TNFSF9: variants seen among roughly 807,000 people sequenced by gnomAD.
The protein encoded by TNFSF9 is TNF superfamily member 9, also known as tumor necrosis factor ligand superfamily member 9.
In TNFSF9, 10 loss-of-function variants were observed where a neutral mutation model predicts 10.3. The ratio of observed to expected loss-of-function variants is 0.97; its 90% confidence interval spans 0.60 to 1.65. TNFSF9 has a LOEUF of 1.65. Ranked by LOEUF, TNFSF9 falls within the 40% of genes most tolerant of loss-of-function variation. TNFSF9 has a pLI of 0.00. For synonymous variants in TNFSF9, 195 were observed against 176.1 expected, an observed-to-expected ratio of 1.11 and a Z score of -0.85; for missense variants, 361 against 348.9, an observed-to-expected ratio of 1.03 and a Z score of -0.28.
chr19:6,534,543 C>G, intron 2 of TNFSF9, 57 bp from the exon 3 acceptor site: 2 of 1,481,168 alleles, frequency 1.4e-6, no homozygotes, highest in Admixed American at 4.2e-5. Context: ...TGCTCAGCCA[C>G]GCTCAGCTGT....
intron 2 of TNFSF9, among the ~76,000 whole-genome samples, chr19:6,534,316 C>T: frequency 6.6e-6 from 1 of 151,572 alleles, no homozygotes. Context: ...CCTGGATTCC[C>T]TTCCTCTGTT....
rs564151103 is a variant in TNFSF9 at position 6,531,137 on chromosome 19, GGCT to G, written c.120_122del (p.Leu41del). 1.3e-3 allele frequency: 2,023 copies of G among 1,598,988 alleles called. 11 individuals carry two copies. The highest frequency in any genetic ancestry group is 1.0e-3 in the East Asian group (44 of 43,852). ...GTACTGCCTTGGGCCCTGGTCGCGG[GGCT>G]GCTGCTGCTGCTGCTGCTCGCTGCC... On this transcript the variant is annotated inframe_deletion, in exon 1 of 3. Transcript: ENST00000245817.
At chr19:6,532,859 C>A (rs751635901) in intron 2 of TNFSF9, 43 bp downstream of exon 2, 1 of 1,613,030 alleles carries the variant, frequency 6.2e-7, no homozygotes, top group Non-Finnish European at 8.5e-7. Context: ...CCCCCACCAT[C>A]CCCACCCCGG....
intron 1 of TNFSF9, among the ~76,000 whole-genome samples, chr19:6,531,915 G>A (rs1480735289): frequency 6.6e-6 from 1 of 152,174 alleles, no homozygotes; most frequent in Non-Finnish European, 1.5e-5. Context: ...CCCTGGACGG[G>A]GGACCCTCCG....
Position 6,534,773 on chromosome 19 carries a change from T to C in TNFSF9, c.472T>C (p.Ser158Pro), listed in dbSNP as rs1915230910. Residue 158 changes from serine to proline, a missense_variant, in exon 3 of 3, where the codon TCA becomes CCA. Coordinates refer to ENST00000245817, the MANE Select transcript of TNFSF9 (RefSeq NM_003811.4). ...GCGGCGCGTGGTGGCCGGCGAGGGC[T>C]CAGGCTCCGTTTCACTTGCGCTGCA... ...ELRRVVAGEG[S>P]GSVSLALHLQ... 6.3e-7 allele frequency: 1 copy of C among 1,599,638 alleles called. No individual in the cohort carries two copies. Among genetic ancestry groups the C allele is most frequent in the Non-Finnish European group, 8.5e-7 (1 of 1,173,940 alleles).
chr19:6,533,443 T>G (rs1469353674), intron 2 of TNFSF9, among the ~76,000 whole-genome samples: 1 of 28,232 alleles, frequency 3.5e-5, no homozygotes, highest in Non-Finnish European at 6.8e-5. Context: ...CCCTTCCCCC[T>G]TCCCCTCTCC....
At position 6,534,781 on chromosome 19, in the gene TNFSF9, C is replaced by T. The variant is rs778326812; in HGVS notation, c.480C>T (p.Ser160=). ...TGGTGGCCGGCGAGGGCTCAGGCTC[C>T]GTTTCACTTGCGCTGCACCTGCAGC... ...RRVVAGEGSG[S]VSLALHLQPL... The change falls in exon 3 of 3, where the codon TCC becomes TCT. Residue 160 remains serine (S), a synonymous_variant. Transcript: ENST00000245817. 42 of 1,599,614 alleles carry T rather than the reference C, an allele frequency of 2.6e-5. No individual in the cohort carries two copies. The highest frequency in any genetic ancestry group is 6.8e-5 in the East Asian group (3 of 44,240).
At position 6,535,067 on chromosome 19, in the gene TNFSF9, C is replaced by T. The variant is rs75982228; in HGVS notation, c.*1C>T. Reference sequence around the variant, plus strand: ...ACTCCCTTCACCGAGGTCGGAATAACGTCCAGCCTGGGTGCAGCCCACCTG... The same window carrying T: ...ACTCCCTTCACCGAGGTCGGAATAATGTCCAGCCTGGGTGCAGCCCACCTG... On this transcript the variant is annotated 3_prime_UTR_variant, in exon 3 of 3. Transcript: ENST00000245817. The T allele has an allele frequency of 4.0e-3, 6,253 of 1,549,002 alleles. 20 individuals carry two copies. Among genetic ancestry groups the T allele is most frequent in the Non-Finnish European group, 4.6e-3 (5,309 of 1,146,158 alleles).
intron 2 of TNFSF9, among the ~76,000 whole-genome samples, chr19:6,533,077 G>A (rs1380812068): frequency 1.3e-5 from 2 of 151,790 alleles, no homozygotes; most frequent in African/African-American, 2.4e-5. Context: ...TCAGAGCTGG[G>A]GCTTGACACC....
In TNFSF9 at chr19:6,532,427, G is replaced by A. The variant is rs1202291766; in HGVS notation, c.268-359G>A. ...TGTGGGTGTTTGTGTTTGTTCGTTC[G>A]TGTGGGTGTTTGTGTTCATGTGGGT... On this transcript the variant is annotated intron_variant, in intron 1 of 2. Coordinates refer to ENST00000245817, the MANE Select transcript of TNFSF9 (RefSeq NM_003811.4). 1.7e-4 allele frequency among the ~76,000 whole-genome samples: 5 copies of A among 29,450 alleles called. 1 individual carries two copies. The highest frequency in any genetic ancestry group is 5.1e-4 in the Admixed American group (2 of 3,952). 19.3% of individuals were successfully genotyped at this position (29,450 alleles called of 152,430 possible).
chr19:6,532,752 C>T (rs377376204), intron 1 of TNFSF9, 34 bp from the exon 2 acceptor site: 10 of 1,613,530 alleles, frequency 6.2e-6, no homozygotes, highest in African/African-American at 1.3e-5. Flanking sequence ...CTAGGGGAAC[C>T]CCCATCCACT....
intron 1 of TNFSF9, among the ~76,000 whole-genome samples, 199 bp from the exon 2 acceptor site, chr19:6,532,587 T>G (rs1555758798): frequency 6.7e-6 from 1 of 149,140 alleles, no homozygotes; most frequent in Non-Finnish European, 1.5e-5. Context: ...GTGTGTGTGT[T>G]CGTTTGTGTT....
In TNFSF9 at chr19:6,534,692, A is replaced by G. The variant is rs1407330441; in HGVS notation, c.391A>G (p.Lys131Glu). 1 of 1,594,296 alleles carries G rather than the reference A, an allele frequency of 6.3e-7. No individual in the cohort carries two copies. The highest frequency in any genetic ancestry group is 1.8e-5 in the Admixed American group (1 of 56,778). ...TGGLSYKEDTKELVVAKAGVY... is the reference protein window; with the variant it reads ...TGGLSYKEDTEELVVAKAGVY... ...GGGCCTGAGCTACAAAGAGGACACG[A>G]AGGAGCTGGTGGTGGCCAAGGCTGG... The change falls in exon 3 of 3, where the codon AAG becomes GAG. Residue 131 changes from lysine to glutamate, a missense_variant. Transcript: ENST00000245817.
At chr19:6,532,659 G>A in intron 1 of TNFSF9, 127 bp from the exon 2 acceptor site, 1 of 1,270,676 alleles carries the variant, frequency 7.9e-7, no homozygotes, top group East Asian at 2.3e-5. Flanking sequence ...TTAGTTGGGA[G>A]GGAAGGGAAG....
rs746769026 is a variant in TNFSF9, at chr19:6,535,038, C to T, written c.737C>T (p.Ala246Val). The T allele has an allele frequency of 2.5e-6, 4 of 1,579,754 alleles. No individual in the cohort carries two copies. In the African/African-American group the frequency reaches 4.1e-5, roughly 16 times the overall value. The stretch of plus-strand genomic sequence containing the variant: ...TTCCGGGTGACCCCCGAAATCCCAG[C>T]CGGACTCCCTTCACCGAGGTCGGAA... ...GLFRVTPEIPAGLPSPRSE is the reference protein window; with the variant it reads ...GLFRVTPEIPVGLPSPRSE The change falls in exon 3 of 3, where the codon GCC becomes GTC. Residue 246 changes from alanine to valine, a missense_variant. Ala to Val is a moderately conservative substitution (Grantham distance 64). Coordinates refer to ENST00000245817, the MANE Select transcript of TNFSF9 (RefSeq NM_003811.4).
chr19:6,535,116 TCCTTC>T lies in TNFSF9; in HGVS notation c.*51_*55del. Reference sequence around the variant, plus strand: ...TGGACAGAGTCCGAATCCTACTCCATCCTTCATGGAGACCCCTGGTGCTGGGTCCC... The same window carrying T: ...TGGACAGAGTCCGAATCCTACTCCATATGGAGACCCCTGGTGCTGGGTCCC... On this transcript the variant is annotated 3_prime_UTR_variant, in exon 3 of 3. Coordinates refer to ENST00000245817, the MANE Select transcript of TNFSF9 (RefSeq NM_003811.4). 6.9e-7 allele frequency: 1 copy of T among 1,455,574 alleles called. No homozygotes were observed. 90.2% of individuals were successfully genotyped at this position (1,455,574 alleles called of 1,614,324 possible).
rs561243953 is a variant in TNFSF9, at chr19:6,535,861, T to G, written c.*795T>G. 78 of 152,280 alleles carry G rather than the reference T, an allele frequency of 5.1e-4. No individual in the cohort carries two copies. Among genetic ancestry groups the G allele is most frequent in the African/African-American group, 1.7e-3 (72 of 41,556 alleles). The allele number at this position is 152,280 out of a possible 1,614,324, so 9.4% of individuals were successfully genotyped here. ...TTTAATTTTTTTGCGGAGACGGTATTGCTATGTTGCCAAGGTTGTTTACAT... is the reference window on the plus strand; with the variant it reads ...TTTAATTTTTTTGCGGAGACGGTATGGCTATGTTGCCAAGGTTGTTTACAT... On this transcript the variant is annotated 3_prime_UTR_variant, in exon 3 of 3. Coordinates refer to ENST00000245817, the MANE Select transcript of TNFSF9 (RefSeq NM_003811.4).
At chr19:6,531,767 G>A (rs865778940) in intron 1 of TNFSF9, among the ~76,000 whole-genome samples, 1 of 152,210 alleles carries the variant, frequency 6.6e-6, no homozygotes, top group Admixed American at 6.5e-5. Context: ...AGGCCAGGAG[G>A]AGGAGACCCC....
In TNFSF9 at chr19:6,531,322, C is replaced by G. The variant is rs1237309431; in HGVS notation, c.267+19C>G. On this transcript the variant is annotated intron_variant, in intron 1 of 2. Transcript: ENST00000245817. ...GCGGCAGGTGAGACGTGCCCCGACC[C>G]TCGGTAGCTGGTCTCGCGGGAGACC... The G allele has an allele frequency of 2.1e-6, 3 of 1,458,660 alleles. No homozygotes were observed. The highest frequency in any genetic ancestry group is 2.7e-5 in the Admixed American group (1 of 37,262). 90.4% of individuals were successfully genotyped at this position (1,458,660 alleles called of 1,614,324 possible). A position where few individuals can be genotyped will look rare whatever the true frequency, so the allele number is the denominator to read the frequency against.
Sources: gnomAD v4.1 joint callset for allele counts (sites outside exome capture counted in the v4.1 genomes callset) on GRCh38, gnomAD v4.1.1 for gene constraint, MANE v1.5 for transcripts, NCBI Gene and HGNC (gene_info 2026-07-23, HGNC 2026-07-21) for gene names.